Variants in EHD3 observed in about 807,000 individuals in gnomAD.
EHD3 encodes the protein EH domain-containing protein 3.
EHD3 carries 17 observed loss-of-function variants against 43.0 expected under a neutral mutation model. The observed-to-expected ratio is 0.40, with a 90% CI of 0.27 to 0.59. The LOEUF (loss-of-function observed/expected upper bound fraction) is 0.59, where lower values mean the gene tolerates loss of function less well. Ranked by LOEUF, EHD3 falls within the 20% of genes least tolerant of loss-of-function variation. The probability of loss-of-function intolerance (pLI) is 0.49; values close to 1 mark genes in which losing one functional copy is unlikely to be tolerated. For synonymous variants in EHD3, 313 were observed against 289.5 expected, an observed-to-expected ratio of 1.08 and a Z score of -0.82; for missense variants, 594 against 705.6, an observed-to-expected ratio of 0.84 and a Z score of 1.79.
chr2:31,263,788 T>C (rs756980329), intron 5 of EHD3, among the ~76,000 whole-genome samples: 1 of 152,234 alleles, frequency 6.6e-6, no homozygotes, highest in Non-Finnish European at 1.5e-5. Flanking sequence ...TACTGGCCTC[T>C]TCCCAGCTTC....
At chr2:31,236,843 A>G (rs1038829581) in intron 1 of EHD3, among the ~76,000 whole-genome samples, 2 of 152,136 alleles carry the variant, frequency 1.3e-5, no homozygotes, top group African/African-American at 4.8e-5. Context: ...CAAGCAGCAG[A>G]CAGGTTTGAG....
intron 1 of EHD3, among the ~76,000 whole-genome samples, chr2:31,238,579 T>C (rs1036770886): frequency 6.6e-6 from 1 of 152,236 alleles, no homozygotes; most frequent in South Asian, 2.1e-4. Context: ...GCTGCCTCTT[T>C]GGAGTACAGT....
At chr2:31,242,773 A>G (rs1020988037) in intron 1 of EHD3, among the ~76,000 whole-genome samples, 1 of 152,118 alleles carries the variant, frequency 6.6e-6, no homozygotes, top group Admixed American at 6.6e-5. Context: ...AGCCTGGCCA[A>G]CATGGTGAAA....
intron 1 of EHD3, among the ~76,000 whole-genome samples, chr2:31,240,594 T>C (rs1238208833): frequency 5.3e-5 from 8 of 152,200 alleles, no homozygotes; most frequent in Non-Finnish European, 8.8e-5. Flanking sequence ...CAGGACAAAC[T>C]CTAGGCCCTT....
chr2:31,247,477 A>G (rs1345077122), intron 2 of EHD3, among the ~76,000 whole-genome samples: 1 of 152,224 alleles, frequency 6.6e-6, no homozygotes, highest in Non-Finnish European at 1.5e-5. Context: ...AATGAATAAA[A>G]TGAAGGTGAC....
intron 2 of EHD3, among the ~76,000 whole-genome samples, chr2:31,245,553 A>ATATATATATTT (rs1446415610): frequency 5.7e-5 from 2 of 35,072 alleles, no homozygotes; most frequent in African/African-American, 9.0e-5. Flanking sequence ...ATATATATAT[A>ATATATATATTT]TTTTTTTTTT....
intron 3 of EHD3, among the ~76,000 whole-genome samples, chr2:31,254,723 G>A (rs654091): frequency 0.11 from 16,697 of 152,246 alleles, 1,018 homozygotes; most frequent in Non-Finnish European, 0.12. Flanking sequence ...ATGGCTGTGA[G>A]CTGTTATAGA....
At position 31,268,421 on chromosome 2, in the gene EHD3, A is replaced by G. The variant is rs189922370; in HGVS notation, c.*1717A>G. On this transcript the variant is annotated 3_prime_UTR_variant, in exon 6 of 6. Transcript: ENST00000322054. ...CTGCCTGGCCACAGAGCATCATTCA[A>G]TGGAGGCTGAGGGAGAAGGGCTGGG... 39 of 152,744 alleles carry G rather than the reference A, an allele frequency of 2.6e-4. No homozygotes were observed. The highest frequency in any genetic ancestry group is 4.8e-5 in the African/African-American group (2 of 41,570). 9.5% of individuals were successfully genotyped at this position (152,744 alleles called of 1,614,324 possible).
In EHD3 at chr2:31,234,453, G is replaced by A; in HGVS notation, c.-169G>A. On this transcript the variant is annotated 5_prime_UTR_variant, in exon 1 of 6. Coordinates refer to ENST00000322054, the MANE Select transcript of EHD3 (RefSeq NM_014600.3). ...GCTTGGTCCCAGGAGCAGGGAGAGTGCGCTCCCGGCCCTCCTAGCCGCGTG... is the reference window on the plus strand; with the variant it reads ...GCTTGGTCCCAGGAGCAGGGAGAGTACGCTCCCGGCCCTCCTAGCCGCGTG... 2.9e-6 allele frequency: 2 copies of A among 680,496 alleles called. No homozygotes were observed. Among genetic ancestry groups the A allele is most frequent in the South Asian group, 3.8e-5 (2 of 52,496 alleles). 42.2% of individuals were successfully genotyped at this position (680,496 alleles called of 1,614,324 possible). A position where few individuals can be genotyped will look rare whatever the true frequency, so the allele number is the denominator to read the frequency against.
chr2:31,268,392 G>A lies in EHD3; in HGVS notation c.*1688G>A, dbSNP rs1388238290. 6.6e-6 allele frequency: 1 copy of A among 152,586 alleles called. No homozygotes were observed. Among genetic ancestry groups the A allele is most frequent in the Non-Finnish European group, 1.5e-5 (1 of 68,040 alleles). 9.5% of individuals were successfully genotyped at this position (152,586 alleles called of 1,614,324 possible). ...GTTAATACAGTACATTTATTCTTTG[G>A]TACCTGCCTGGCCACAGAGCATCAT... On this transcript the variant is annotated 3_prime_UTR_variant, in exon 6 of 6. Coordinates refer to ENST00000322054, the MANE Select transcript of EHD3 (RefSeq NM_014600.3).
chr2:31,260,624 C>A lies in EHD3; in HGVS notation c.617C>A (p.Ala206Asp). The A allele has an allele frequency of 6.2e-7, 1 of 1,614,210 alleles. No homozygotes were observed. The highest frequency in any genetic ancestry group is 8.5e-7 in the Non-Finnish European group (1 of 1,180,046). The change falls in exon 4 of 6, where the codon GCC becomes GAC. Residue 206 changes from alanine to aspartate, a missense_variant. By Grantham distance (126) the Ala-to-Asp change is moderately radical. Transcript: ENST00000322054. The surrounding 1 kb of genome is among the most constrained non-coding windows in gnomAD (Gnocchi z 4.6). ...GATGAGTTCTCAGAAGTCATCAAAG[C>A]CCTCAAGAACCACGAGGACAAGATG... is the stretch of plus-strand genomic sequence containing the variant. ...ISDEFSEVIK[A>D]LKNHEDKMRV...
rs567783386 is a variant in EHD3, at chr2:31,267,640, G to A, written c.*936G>A. The A allele has an allele frequency of 1.2e-4, 19 of 152,668 alleles. No homozygotes were observed. Among genetic ancestry groups the A allele is most frequent in the African/African-American group, 3.1e-4 (13 of 41,522 alleles). 9.5% of individuals were successfully genotyped at this position (152,668 alleles called of 1,614,324 possible). A position where few individuals can be genotyped will look rare whatever the true frequency, so the allele number is the denominator to read the frequency against. On this transcript the variant is annotated 3_prime_UTR_variant, in exon 6 of 6. Transcript: ENST00000322054. Reference sequence around the variant, plus strand: ...TGAGTAGCCTCAGAAGGGTTTAGGCGACCTTCTGAAACTCACAGAAGTCAC... The same window carrying A: ...TGAGTAGCCTCAGAAGGGTTTAGGCAACCTTCTGAAACTCACAGAAGTCAC...
chr2:31,265,663 ATG>A (rs1217413128), intron 5 of EHD3, among the ~76,000 whole-genome samples: 4 of 152,140 alleles, frequency 2.6e-5, no homozygotes, highest in Non-Finnish European at 4.4e-5. Context: ...TGGGGATAGA[ATG>A]TGATTTTCCT....
At chr2:31,252,190 T>G (rs1000719023) in intron 3 of EHD3, among the ~76,000 whole-genome samples, 14 of 152,300 alleles carry the variant, frequency 9.2e-5, no homozygotes, top group Middle Eastern at 6.8e-3. Flanking sequence ...GGTAATGATA[T>G]GTACCACACA....
At chr2:31,247,575 G>A (rs1304814681) in intron 2 of EHD3, among the ~76,000 whole-genome samples, 4 of 152,152 alleles carry the variant, frequency 2.6e-5, no homozygotes, top group Admixed American at 2.0e-4. Context: ...CCACAGGAGG[G>A]GCTGTGTCTC....
chr2:31,260,373 T>G lies in EHD3; in HGVS notation c.503-137T>G, dbSNP rs1683828493. 19 of 877,144 alleles carry G rather than the reference T, an allele frequency of 2.2e-5. No homozygotes were observed. The South Asian group carries it at 4.6e-4, about 21-fold the overall frequency. The allele number at this position is 877,144 out of a possible 1,614,324, so 54.3% of individuals were successfully genotyped here. A position where few individuals can be genotyped will look rare whatever the true frequency, so the allele number is the denominator to read the frequency against. The stretch of plus-strand genomic sequence containing the variant: ...AGTAATTTGCTGGAGTCCAAACAGT[T>G]AAAATGTGGAGGAGCCAGGATTTAA... On this transcript the variant is annotated intron_variant, in intron 3 of 5. Transcript: ENST00000322054. This position sits in a 1 kb window ranked among gnomAD's most constrained non-coding sequence, Gnocchi z 4.6.
At chr2:31,264,716 T>G (rs1359364869) in intron 5 of EHD3, among the ~76,000 whole-genome samples, 2 of 151,808 alleles carry the variant, frequency 1.3e-5, no homozygotes, top group Non-Finnish European at 2.9e-5. Flanking sequence ...GTAATTTTAG[T>G]AGAGACGGGG....
intron 3 of EHD3, among the ~76,000 whole-genome samples, chr2:31,250,997 C>G (rs537966210): frequency 1.3e-5 from 2 of 152,354 alleles, no homozygotes; most frequent in African/African-American, 4.8e-5. Flanking sequence ...TTTGCTCTTT[C>G]TGCAAGAGCA....
Position 31,266,043 on chromosome 2 carries a change from C to G in EHD3, c.1081-134C>G. ...TACCACGTGATGTCCATCAGCTGAG[C>G]CTCTAGGTCACAGGTCTTTCATTGT... On this transcript the variant is annotated intron_variant, in intron 5 of 5. Coordinates refer to ENST00000322054, the MANE Select transcript of EHD3 (RefSeq NM_014600.3). The surrounding 1 kb of genome is among the most constrained non-coding windows in gnomAD (Gnocchi z 5.1). The G allele has an allele frequency of 8.7e-7, 1 of 1,150,584 alleles. No homozygotes were observed. 71.3% of individuals were successfully genotyped at this position (1,150,584 alleles called of 1,614,324 possible).
Sources: gnomAD v4.1 joint callset for allele counts (sites outside exome capture counted in the v4.1 genomes callset) on GRCh38, gnomAD v4.1.1 for gene constraint, Gnocchi (gnomAD v3.1) non-coding constraint, MANE v1.5 for transcripts, NCBI Gene and HGNC (gene_info 2026-07-23, HGNC 2026-07-21) for gene names.